The following MYO1G variants were observed in gnomAD, a reference collection of about 807,000 sequenced individuals.
The protein encoded by MYO1G is unconventional myosin-Ig.
In MYO1G, 65 loss-of-function variants were observed where a neutral mutation model predicts 115.3. The observed-to-expected ratio is 0.56, with a 90% CI of 0.46 to 0.69. The LOEUF is 0.69. MYO1G is among the 30% of genes least tolerant of loss of function. The probability of loss-of-function intolerance (pLI) is 0.00; values close to 1 mark genes in which losing one functional copy is unlikely to be tolerated. For missense variants in MYO1G, 1,204 were observed against 1,393.5 expected (o/e 0.86, Z 2.16); for synonymous variants, 510 against 552.6 (o/e 0.92, Z 1.08).
At chr7:44,970,494 C>T in intron 9 of MYO1G, 98 bp downstream of exon 9, 6 of 1,520,018 alleles carry the variant, frequency 3.9e-6, no homozygotes, top group Non-Finnish European at 5.4e-6. Flanking sequence ...GGAGAAACCC[C>T]AACATTCCTG....
Position 44,962,936 on chromosome 7 carries a change from G to T in MYO1G, c.2900+34C>A. ...GGGTCAGGGCGGCCACGCGGCCGGG[G>T]CTTCGTGCCCGCTACCGCCCAGCCT... is the stretch of plus-strand genomic sequence containing the variant. On this transcript the variant is annotated intron_variant, in intron 21 of 21. Coordinates refer to ENST00000258787, the MANE Select transcript of MYO1G (RefSeq NM_033054.3). The surrounding 1 kb of genome is among the most constrained non-coding windows in gnomAD (Gnocchi z 5.3). The T allele has an allele frequency of 1.3e-6, 2 of 1,505,224 alleles. No individual in the cohort carries two copies. Among genetic ancestry groups the T allele is most frequent in the Non-Finnish European group, 8.8e-7 (1 of 1,130,456 alleles). The allele number at this position is 1,505,224 out of a possible 1,614,324, so 93.2% of individuals were successfully genotyped here.
Position 44,970,693 on chromosome 7 carries a change from GT to G in MYO1G, c.1115del (p.Asn372ThrfsTer57). ...CCCGGCCCCGGGGTTCCATGACACT[GT>G]TGATCCTGTTCACCACCCACTCAAA... ...RLFEWVVNRI[N>X]SVMEPRGRDP... is the part of the protein sequence containing the mutation. On this transcript the variant is annotated frameshift_variant, in exon 9 of 22. Coordinates refer to ENST00000258787, the MANE Select transcript of MYO1G (RefSeq NM_033054.3). LOFTEE classifies it high-confidence loss of function. The G allele has an allele frequency of 6.2e-7, 1 of 1,614,004 alleles. No homozygotes were observed.
In MYO1G at chr7:44,967,720, C is replaced by T. The variant is rs552543010; in HGVS notation, c.1667G>A (p.Arg556Gln). The change falls in exon 14 of 22, where the codon CGG (arginine) becomes CAG (glutamine). Residue 556 changes from arginine to glutamine, a missense_variant. Physicochemically the swap from Arg to Gln is conservative, Grantham distance 43 (BLOSUM62 1). Transcript: ENST00000258787. ...LLYNSTDPTL[R>Q]AMWPDGQQDI... ...CTGCTGCCCGTCCGGCCACATGGCC[C>T]GTAGAGTGGGGTCCGTGCTGCAGAC... 1.4e-5 allele frequency: 23 copies of T among 1,613,576 alleles called. No individual in the cohort carries two copies. The highest frequency in any genetic ancestry group is 6.6e-5 in the South Asian group (6 of 91,086).
At chr7:44,972,045 C>A in intron 6 of MYO1G, 70 bp downstream of exon 6, 1 of 1,229,774 alleles carries the variant, frequency 8.1e-7, no homozygotes, top group South Asian at 1.2e-5. Flanking sequence ...GAGTGCTGCC[C>A]ATTCCCTACC....
chr7:44,963,972 G>T lies in MYO1G; in HGVS notation c.2745+77C>A. Reference sequence around the variant, plus strand: ...CATCTCAGGTAAACAGGGGAGAGAAGACTGAGGCAGGACTCTGAGCAGCCC... The same window carrying T: ...CATCTCAGGTAAACAGGGGAGAGAATACTGAGGCAGGACTCTGAGCAGCCC... On this transcript the variant is annotated intron_variant, in intron 20 of 21. Transcript: ENST00000258787. The surrounding 1 kb of genome is among the most constrained non-coding windows in gnomAD (Gnocchi z 4.1). 1 of 1,180,396 alleles carries T rather than the reference G, an allele frequency of 8.5e-7. No homozygotes were observed. The highest frequency in any genetic ancestry group is 1.2e-6 in the Non-Finnish European group (1 of 816,792). 73.1% of individuals were successfully genotyped at this position (1,180,396 alleles called of 1,614,324 possible).
At position 44,964,972 on chromosome 7, in the gene MYO1G, C is replaced by A; in HGVS notation, c.2499G>T (p.Arg833=). The A allele has an allele frequency of 1.2e-6, 2 of 1,600,524 alleles. No homozygotes were observed. Among genetic ancestry groups the A allele is most frequent in the Non-Finnish European group, 1.7e-6 (2 of 1,170,570 alleles). Residue 833 remains arginine, a synonymous_variant, in exon 18 of 22, where the codon CGG becomes CGT. Transcript: ENST00000258787. The surrounding 1 kb of genome is among the most constrained non-coding windows in gnomAD (Gnocchi z 5.1). ...QGLRQDWGCR[R]AWARDYLSSA... ...AGGACAGGTAGTCTCGGGCCCAGGC[C>A]CGTCGGCAGCCCCAGTCCTGACGAA...
Position 44,965,626 on chromosome 7 carries a change from G to T in MYO1G, c.2381+11C>A. On this transcript the variant is annotated intron_variant, in intron 17 of 21. Transcript: ENST00000258787. Reference sequence around the variant, plus strand: ...AGCTGAATGGAATGTGTGGTGGGCTGAGAGTAGTACCTGCAGAAGAGTGCG... The same window carrying T: ...AGCTGAATGGAATGTGTGGTGGGCTTAGAGTAGTACCTGCAGAAGAGTGCG... The T allele has an allele frequency of 6.2e-7, 1 of 1,609,322 alleles. No individual in the cohort carries two copies. Among genetic ancestry groups the T allele is most frequent in the South Asian group, 1.1e-5 (1 of 90,970 alleles).
chr7:44,963,748 G>T lies in MYO1G; in HGVS notation c.2745+301C>A. On this transcript the variant is annotated intron_variant, in intron 20 of 21. Coordinates refer to ENST00000258787, the MANE Select transcript of MYO1G (RefSeq NM_033054.3). The surrounding 1 kb of genome is among the most constrained non-coding windows in gnomAD (Gnocchi z 4.1). ...GTGGTGGGTACTCAGGTCCCAGAAT[G>T]CCCAGGTGGGAGAACCCCAGTTGGG... 2.4e-6 allele frequency: 1 copy of T among 408,838 alleles called. No homozygotes were observed. The highest frequency in any genetic ancestry group is 4.5e-6 in the Non-Finnish European group (1 of 221,512). The allele number at this position is 408,838 out of a possible 1,614,324, so 25.3% of individuals were successfully genotyped here. A position where few individuals can be genotyped will look rare whatever the true frequency, so the allele number is the denominator to read the frequency against.
At chr7:44,965,537 T>C in intron 17 of MYO1G, 100 bp downstream of exon 17, 1 of 1,109,926 alleles carries the variant, frequency 9.0e-7, no homozygotes, top group Non-Finnish European at 1.3e-6. Flanking sequence ...TCAAGGGGGC[T>C]GGTGTATCTC....
In MYO1G at chr7:44,969,622, G is replaced by A; in HGVS notation, c.1503+83C>T. On this transcript the variant is annotated intron_variant, in intron 11 of 21. Coordinates refer to ENST00000258787, the MANE Select transcript of MYO1G (RefSeq NM_033054.3). This position sits in a 1 kb window ranked among gnomAD's most constrained non-coding sequence, Gnocchi z 5.0. ...GCACCAAAGCTGGGTCCCCAACCAG[G>A]CCCCACGAGGCATGGGCAGCATGGT... 2 of 1,583,420 alleles carry A rather than the reference G, an allele frequency of 1.3e-6. No individual in the cohort carries two copies. Among genetic ancestry groups the A allele is most frequent in the South Asian group, 2.2e-5 (2 of 89,754 alleles).
chr7:44,967,814 G>A (rs1794874751), intron 13 of MYO1G, 70 bp downstream of exon 13: 2 of 1,611,866 alleles, frequency 1.2e-6, no homozygotes, highest in Admixed American at 1.7e-5. Flanking sequence ...GCTAGTCAAT[G>A]CCTGACCCCA....
Position 44,970,962 on chromosome 7 carries a change from G to A in MYO1G, c.944C>T (p.Thr315Met), listed in dbSNP as rs774267015. 22 of 1,613,230 alleles carry A rather than the reference G, an allele frequency of 1.4e-5. No homozygotes were observed. Among genetic ancestry groups the A allele is most frequent in the African/African-American group, 5.3e-5 (4 of 74,922 alleles). The change falls in exon 8 of 22, where the codon ACG becomes ATG. Residue 315 changes from threonine (T) to methionine (M), a missense_variant. Thr to Met is a moderately conservative substitution (Grantham distance 81). Coordinates refer to ENST00000258787, the MANE Select transcript of MYO1G (RefSeq NM_033054.3). Reference protein sequence around the residue: ...EALVDHVAELTATPRDLVLRS... With the variant: ...EALVDHVAELMATPRDLVLRS... ...GAGCACGAGGTCCCGGGGTGTGGCC[G>A]TCAGCTCAGCCACATGGTCCACCAG...
rs571472962 is a variant in MYO1G at position 44,969,910 on chromosome 7, G to C, written c.1333-35C>G. The C allele has an allele frequency of 1.3e-6, 2 of 1,588,760 alleles. No homozygotes were observed. Among genetic ancestry groups the C allele is most frequent in the African/African-American group, 2.7e-5 (2 of 74,718 alleles). ...AGGCAGCCAGCAAGGAAGCTCCCAA[G>C]GTCTTTCAGGCCACCTCCCCTCCTC... is the stretch of plus-strand genomic sequence containing the variant. On this transcript the variant is annotated intron_variant, in intron 10 of 21. Transcript: ENST00000258787. This position sits in a 1 kb window ranked among gnomAD's most constrained non-coding sequence, Gnocchi z 5.0.
intron 5 of MYO1G, chr7:44,972,637 GGA>G: frequency 5.0e-6 from 1 of 201,694 alleles, no homozygotes; most frequent in South Asian, 7.7e-5. Flanking sequence ...AGAATCCTAG[GGA>G]GCTCCACTTC....
At chr7:44,967,319 C>T (rs1794864653) in intron 14 of MYO1G, among the ~76,000 whole-genome samples, 1 of 152,206 alleles carries the variant, frequency 6.6e-6, no homozygotes, top group Non-Finnish European at 1.5e-5. Flanking sequence ...CCAAGCCAGC[C>T]TCTCAGCAGG....
Position 44,964,295 on chromosome 7 carries a change from G to C in MYO1G, c.2631+120C>G. On this transcript the variant is annotated intron_variant, in intron 19 of 21. Coordinates refer to ENST00000258787, the MANE Select transcript of MYO1G (RefSeq NM_033054.3). This position sits in a 1 kb window ranked among gnomAD's most constrained non-coding sequence, Gnocchi z 5.1. ...GAGTGTCAGGAGCAGCTGGGCCTGG[G>C]CTGGGGTTGCCTCCATTTTCTCCCA... 7.7e-7 allele frequency: 1 copy of C among 1,294,366 alleles called. No individual in the cohort carries two copies. The highest frequency in any genetic ancestry group is 2.4e-5 in the East Asian group (1 of 42,162). 80.2% of individuals were successfully genotyped at this position (1,294,366 alleles called of 1,614,324 possible).
In MYO1G at chr7:44,967,753, G is replaced by A. The variant is rs781474056; in HGVS notation, c.1650-16C>T. On this transcript the variant is annotated splice_polypyrimidine_tract_variant and intron_variant, in intron 13 of 21. Coordinates refer to ENST00000258787, the MANE Select transcript of MYO1G (RefSeq NM_033054.3). ...GGGGTCCGTGCTGCAGACACAGGCCGAATTCCCAGCCATCCTCTGGGAGAG... is the reference window on the plus strand; with the variant it reads ...GGGGTCCGTGCTGCAGACACAGGCCAAATTCCCAGCCATCCTCTGGGAGAG... 12 of 1,612,774 alleles carry A rather than the reference G, an allele frequency of 7.4e-6. No homozygotes were observed. The highest frequency in any genetic ancestry group is 1.7e-5 in the Admixed American group (1 of 59,998).
chr7:44,967,827 G>A, intron 13 of MYO1G, 57 bp downstream of exon 13: 2 of 1,612,414 alleles, frequency 1.2e-6, no homozygotes, highest in Non-Finnish European at 1.7e-6. Flanking sequence ...TGACCCCAGA[G>A]TCTCTGGGGC....
rs763288274 is a variant in MYO1G at position 44,966,608 on chromosome 7, C to G, written c.1949+64G>C. On this transcript the variant is annotated intron_variant, in intron 15 of 21. Coordinates refer to ENST00000258787, the MANE Select transcript of MYO1G (RefSeq NM_033054.3). This position sits in a 1 kb window ranked among gnomAD's most constrained non-coding sequence, Gnocchi z 5.0. ...ACGTGCTGTTTGGGGACCCTCTGCT[C>G]CTACCCCTTGGACTCCACACAGGGA... is the stretch of plus-strand genomic sequence containing the variant. 6.3e-7 allele frequency: 1 copy of G among 1,598,078 alleles called. No individual in the cohort carries two copies. Among genetic ancestry groups the G allele is most frequent in the Admixed American group, 1.7e-5 (1 of 59,946 alleles).
Sources: gnomAD v4.1 joint callset for allele counts (sites outside exome capture counted in the v4.1 genomes callset) on GRCh38, gnomAD v4.1.1 for gene constraint, Gnocchi (gnomAD v3.1) non-coding constraint, MANE v1.5 for transcripts, NCBI Gene and HGNC (gene_info 2026-07-23, HGNC 2026-07-21) for gene names.